The following CDH6 variants were observed in gnomAD, a reference collection of about 807,000 sequenced individuals.
CDH6 encodes the protein cadherin 6, also known as cadherin-6.
Under a neutral mutation model 78.0 loss-of-function variants are expected in CDH6, and 31 were observed. The ratio of observed to expected loss-of-function variants is 0.40; its 90% CI spans 0.30 to 0.54. CDH6 has a LOEUF of 0.54. Ranked by LOEUF, CDH6 falls within the 20% of genes least tolerant of loss-of-function variation. The pLI is 0.56. For synonymous variants in CDH6, 376 were observed against 368.8 expected, an observed-to-expected ratio of 1.02 and a Z score of -0.23; for missense variants, 724 against 975.9, an observed-to-expected ratio of 0.74 and a Z score of 3.44.
chr5:31,288,743 T>C (rs1004245732), intron 2 of CDH6, among the ~76,000 whole-genome samples: 1 of 152,252 alleles, frequency 6.6e-6, no homozygotes, highest in African/African-American at 2.4e-5. Context: ...ACCACTGTTC[T>C]CTAATTGTCT....
At chr5:31,234,876 T>A (rs971883893) in intron 1 of CDH6, among the ~76,000 whole-genome samples, 1 of 152,208 alleles carries the variant, frequency 6.6e-6, no homozygotes, top group African/African-American at 2.4e-5. Context: ...ACATATATAC[T>A]CTTTATGATA....
intron 5 of CDH6, among the ~76,000 whole-genome samples, chr5:31,300,339 G>C (rs1157930332): frequency 6.6e-6 from 1 of 152,054 alleles, no homozygotes; most frequent in African/African-American, 2.4e-5. Flanking sequence ...TCCTACGAAA[G>C]CTATCTCAAT....
intron 11 of CDH6, among the ~76,000 whole-genome samples, chr5:31,322,278 G>A (rs1738493583): frequency 6.6e-6 from 1 of 151,752 alleles, no homozygotes; most frequent in Non-Finnish European, 1.5e-5. Flanking sequence ...ATGTAGGAAA[G>A]GTATGCAAAT....
chr5:31,285,040 T>C (rs1171688477), intron 2 of CDH6, among the ~76,000 whole-genome samples: 1 of 152,240 alleles, frequency 6.6e-6, no homozygotes. Context: ...ATTCAACCTG[T>C]ATTGAGCTTC....
chr5:31,260,433 A>G (rs1363271570), intron 1 of CDH6, among the ~76,000 whole-genome samples: 2 of 152,210 alleles, frequency 1.3e-5, no homozygotes, highest in African/African-American at 4.8e-5. Flanking sequence ...CACATGTGGT[A>G]GAAAAACTTT....
chr5:31,305,287 A>C lies in CDH6; in HGVS notation c.1113A>C (p.Arg371Ser). The C allele has an allele frequency of 6.2e-7, 1 of 1,614,172 alleles. No homozygotes were observed. Among genetic ancestry groups the C allele is most frequent in the Non-Finnish European group, 8.5e-7 (1 of 1,180,034 alleles). ...CTTTCAAAGATTCAGCCACGGTTAG[A>C]ATTGTGGTGGAGGATGTAGATGAGC... ...LGPFKDSATV[R>S]IVVEDVDEPP... The change falls in exon 7 of 12, where the codon AGA becomes AGC. Residue 371 changes from arginine to serine, a missense_variant. Around this residue, in one of 3 missense-constraint regions of CDH6, gnomAD observed 446 missense variants for 684.5 expected, o/e 0.65. Coordinates refer to ENST00000265071, the MANE Select transcript of CDH6 (RefSeq NM_004932.4).
chr5:31,214,621 G>T (rs1218154108), intron 1 of CDH6, among the ~76,000 whole-genome samples: 1 of 152,132 alleles, frequency 6.6e-6, no homozygotes, highest in Admixed American at 6.5e-5. Context: ...CGAAGCTAAG[G>T]CATTTGGCAA....
intron 2 of CDH6, among the ~76,000 whole-genome samples, chr5:31,270,078 T>C (rs967680429): frequency 1.5e-4 from 23 of 152,224 alleles, no homozygotes; most frequent in Admixed American, 2.6e-4. Flanking sequence ...AAAAAATACA[T>C]TTTTAAAAAA....
At position 31,240,952 on chromosome 5, in the gene CDH6, G is replaced by C. The variant is rs16900782; in HGVS notation, c.-128-26394G>C. On this transcript the variant is annotated intron_variant, in intron 1 of 11. Coordinates refer to ENST00000265071, the MANE Select transcript of CDH6 (RefSeq NM_004932.4). ...CTTGTCATTTTTATAGTCCAGGCTA[G>C]TCCTGTCCAATTGGAAGTTCCAGTG... Among the ~76,000 whole-genome samples the C allele has an allele frequency of 6.8e-3, 1,028 of 152,268 alleles. 75 individuals are homozygous for C. The East Asian group carries it at 0.15, about 22-fold the overall frequency.
chr5:31,217,420 A>T (rs1367428575), intron 1 of CDH6, among the ~76,000 whole-genome samples: 2 of 152,210 alleles, frequency 1.3e-5, no homozygotes, highest in Non-Finnish European at 2.9e-5. Context: ...TTAAATTCTC[A>T]TCAGTCTTAC....
intron 7 of CDH6, among the ~76,000 whole-genome samples, chr5:31,306,174 A>G (rs1240063800): frequency 6.6e-6 from 1 of 152,226 alleles, no homozygotes; most frequent in African/African-American, 2.4e-5. Flanking sequence ...AACACTTAAA[A>G]GACAGAATTA....
intron 9 of CDH6, 144 bp downstream of exon 9, chr5:31,316,473 C>T (rs1196264031): frequency 1.5e-6 from 1 of 677,498 alleles, no homozygotes; most frequent in Middle Eastern, 4.2e-4. Flanking sequence ...TAAATAAGAA[C>T]CAGGACTTAC....
chr5:31,194,526 A>G (rs1348210264), intron 1 of CDH6, among the ~76,000 whole-genome samples: 1 of 152,140 alleles, frequency 6.6e-6, no homozygotes, highest in Admixed American at 6.5e-5. Context: ...GTTCCGGGCA[A>G]CGCCTGCCGG....
chr5:31,293,829 G>T lies in CDH6; in HGVS notation c.229-133G>T, dbSNP rs138442773. On this transcript the variant is annotated intron_variant, in intron 2 of 11. Coordinates refer to ENST00000265071, the MANE Select transcript of CDH6 (RefSeq NM_004932.4). ...TTACCATTAAGAGGTTACGTAAATA[G>T]TAAAAAAAAAAAAACTTGTATTCCT... 1,288 of 501,592 alleles carry T rather than the reference G, an allele frequency of 2.6e-3. 6 individuals carry two copies. The highest frequency in any genetic ancestry group is 7.8e-3 in the Middle Eastern group (15 of 1,926). The allele number at this position is 501,592 out of a possible 1,614,324, so 31.1% of individuals were successfully genotyped here.
intron 1 of CDH6, among the ~76,000 whole-genome samples, chr5:31,266,066 T>C (rs1346125363): frequency 6.6e-6 from 1 of 152,082 alleles, no homozygotes; most frequent in Non-Finnish European, 1.5e-5. Context: ...CATGAGCCAC[T>C]GTGCCTGGCA....
At chr5:31,292,766 C>CATGTGT (rs1554009146) in intron 2 of CDH6, among the ~76,000 whole-genome samples, 5 of 147,098 alleles carry the variant, frequency 3.4e-5, no homozygotes, top group South Asian at 2.2e-4. Context: ...TATATATGTG[C>CATGTGT]GTGTGTGTAT....
chr5:31,307,180 T>G (rs552286724), intron 7 of CDH6, among the ~76,000 whole-genome samples: 49 of 152,266 alleles, frequency 3.2e-4, no homozygotes, highest in African/African-American at 1.2e-3. Context: ...TTTATTCTGA[T>G]TGAGATGAGA....
rs1561066578 is a variant in CDH6 at position 31,302,958 on chromosome 5, G to GAAAGAAAGAAAGAAAGAAAGAAGGAAA, written c.999+660_999+661insAAAGAAAGAAAGAAAGAAAGAAGGAAA. Among the ~76,000 whole-genome samples the GAAAGAAAGAAAGAAAGAAAGAAGGAAA allele has an allele frequency of 5.7e-5, 6 of 106,152 alleles. 1 individual carries two copies. Among genetic ancestry groups the GAAAGAAAGAAAGAAAGAAAGAAGGAAA allele is most frequent in the Non-Finnish European group, 1.1e-4 (6 of 52,436 alleles). 69.6% of individuals were successfully genotyped at this position (106,152 alleles called of 152,430 possible). ...AAGAAAGAAAGAAAGAAAGAAAGAAGGAAAGAAAAGAAAGAAAGAAAGAAA... is the reference window on the plus strand; with the variant it reads ...AAGAAAGAAAGAAAGAAAGAAAGAAGAAAGAAAGAAAGAAAGAAAGAAGGAAAGAAAGAAAAGAAAGAAAGAAAGAAA... On this transcript the variant is annotated intron_variant, in intron 6 of 11. Transcript: ENST00000265071.
At chr5:31,225,239 A>G (rs747955233) in intron 1 of CDH6, among the ~76,000 whole-genome samples, 11 of 152,208 alleles carry the variant, frequency 7.2e-5, no homozygotes, top group Non-Finnish European at 1.2e-4. Flanking sequence ...TGATGCATAA[A>G]TGACTCTGGG....
Sources: gnomAD v4.1 joint callset for allele counts (sites outside exome capture counted in the v4.1 genomes callset) on GRCh38, gnomAD v4.1.1 for gene constraint, gnomAD v4.1.1 regional missense constraint, MANE v1.5 for transcripts, NCBI Gene and HGNC (gene_info 2026-07-23, HGNC 2026-07-21) for gene names.